TTC39B: variants seen among roughly 807,000 people sequenced by gnomAD.
TTC39B encodes the protein tetratricopeptide repeat domain 39B.
A neutral mutation model predicts 96.6 loss-of-function variants in TTC39B; 92 were observed. The ratio of observed to expected loss-of-function variants is 0.95; its 90% confidence interval spans 0.80 to 1.13. The LOEUF (loss-of-function observed/expected upper bound fraction) is 1.13. Ranked by LOEUF, TTC39B falls within the 50% of genes most tolerant of loss-of-function variation. TTC39B has a pLI of 0.00. For missense variants in TTC39B, 955 were observed against 809.3 expected (o/e 1.18, Z -2.18); for synonymous variants, 367 against 299.4 (o/e 1.23, Z -2.33).
intron 1 of TTC39B, among the ~76,000 whole-genome samples, chr9:15,287,955 A>T (rs867418869): frequency 0.02 from 3,038 of 149,056 alleles, 133 homozygotes; most frequent in African/African-American, 0.071. Context: ...CAAAAAAAAA[A>T]AAAAAAAAAA....
chr9:15,238,475 A>G (rs988768045), intron 2 of TTC39B, among the ~76,000 whole-genome samples: 1 of 152,208 alleles, frequency 6.6e-6, no homozygotes, highest in African/African-American at 2.4e-5. Context: ...AATCAGTAGC[A>G]TTTCTATATA....
chr9:15,247,649 G>T (rs1408249413), intron 2 of TTC39B, among the ~76,000 whole-genome samples: 1 of 152,050 alleles, frequency 6.6e-6, no homozygotes, highest in East Asian at 1.9e-4. Context: ...AGCATAATCT[G>T]CCCATAAGTG....
chr9:15,307,061 C>T (rs535556766), intron 1 of TTC39B, 23 bp downstream of exon 1: 1 of 1,607,506 alleles, frequency 6.2e-7, no homozygotes, highest in Non-Finnish European at 8.5e-7. Context: ...GGGGCCGGGC[C>T]CGCAATCCCC....
In TTC39B at chr9:15,173,769, C is replaced by T. The variant is rs185868256; in HGVS notation, c.1958+1250G>A. 2.6e-3 allele frequency among the ~76,000 whole-genome samples: 395 copies of T among 152,284 alleles called. 2 individuals are homozygous for T. Among genetic ancestry groups the T allele is most frequent in the Middle Eastern group, 0.01 (3 of 294 alleles). ...CTGCAATCTCTACATTCAGCCCTGA[C>T]CTTATCACTGAACTTCATGCTAAGT... is the stretch of plus-strand genomic sequence containing the variant. On this transcript the variant is annotated intron_variant, in intron 19 of 19. Transcript: ENST00000512701.
chr9:15,292,391 C>T (rs1299920609), intron 1 of TTC39B, among the ~76,000 whole-genome samples: 1 of 152,176 alleles, frequency 6.6e-6, no homozygotes, highest in Non-Finnish European at 1.5e-5. Context: ...AAACCTACTG[C>T]ACCAACAGTT....
At chr9:15,211,763 T>C (rs1385731683) in intron 4 of TTC39B, among the ~76,000 whole-genome samples, 3 of 152,248 alleles carry the variant, frequency 2.0e-5, no homozygotes, top group South Asian at 4.1e-4. Flanking sequence ...AAATGTATTT[T>C]TTGACAGAGA....
intron 8 of TTC39B, 150 bp from the exon 9 acceptor site, chr9:15,192,845 T>C: frequency 2.2e-5 from 13 of 590,312 alleles, no homozygotes; most frequent in Non-Finnish European, 3.6e-5. Context: ...CTGAGTTTAC[T>C]CTTAAGGATA....
At chr9:15,203,933 C>T in intron 6 of TTC39B, 43 bp from the exon 7 acceptor site, 1 of 1,533,172 alleles carries the variant, frequency 6.5e-7, no homozygotes, top group Non-Finnish European at 8.9e-7. Context: ...AATCACACAT[C>T]CAAAGTGATT....
intron 1 of TTC39B, among the ~76,000 whole-genome samples, chr9:15,305,737 C>CT (rs1563802357): frequency 3.3e-5 from 5 of 150,426 alleles, no homozygotes; most frequent in Middle Eastern, 3.2e-3. Flanking sequence ...CTGGGGTGAC[C>CT]ATTTGTCAAA....
intron 1 of TTC39B, among the ~76,000 whole-genome samples, chr9:15,268,864 C>T (rs1287896245): frequency 6.6e-6 from 1 of 152,182 alleles, no homozygotes; most frequent in Non-Finnish European, 1.5e-5. Flanking sequence ...TACACCATTC[C>T]AGTTTTCTAG....
chr9:15,166,608 ACATTT>A (rs1184038128), exon 20 of TTC39B: 1 of 152,190 alleles, frequency 6.6e-6, no homozygotes, highest in African/African-American at 2.4e-5. Flanking sequence ...CCTTTTCATT[ACATTT>A]CAAGTTCAAC....
At chr9:15,182,941 G>A (rs1020126063) in intron 16 of TTC39B, among the ~76,000 whole-genome samples, 1 of 152,134 alleles carries the variant, frequency 6.6e-6, no homozygotes, top group Admixed American at 6.6e-5. Flanking sequence ...CCATATGGCT[G>A]AATGACAGCT....
At chr9:15,273,016 T>C (rs1168086050) in intron 1 of TTC39B, among the ~76,000 whole-genome samples, 1 of 152,216 alleles carries the variant, frequency 6.6e-6, no homozygotes, top group East Asian at 1.9e-4. Flanking sequence ...TGAGGAAAGC[T>C]GCATCACCTA....
intron 3 of TTC39B, among the ~76,000 whole-genome samples, chr9:15,222,156 G>C (rs1435224130): frequency 6.6e-6 from 1 of 152,178 alleles, no homozygotes; most frequent in African/African-American, 2.4e-5. Flanking sequence ...CGTTCCAAGA[G>C]GGAATGGTAC....
chr9:15,272,384 G>C (rs1310646360), intron 1 of TTC39B, among the ~76,000 whole-genome samples: 2 of 152,156 alleles, frequency 1.3e-5, no homozygotes, highest in Admixed American at 6.5e-5. Context: ...GTGCCCTCCA[G>C]TTACAACACG....
intron 2 of TTC39B, among the ~76,000 whole-genome samples, chr9:15,256,556 A>T (rs1822758313): frequency 6.6e-6 from 1 of 152,262 alleles, no homozygotes; most frequent in South Asian, 2.1e-4. Flanking sequence ...TCAAAAAAAC[A>T]GATGATCAAA....
At chr9:15,298,360 C>T (rs148861510) in intron 1 of TTC39B, among the ~76,000 whole-genome samples, 9 of 152,260 alleles carry the variant, frequency 5.9e-5, no homozygotes, top group Non-Finnish European at 5.9e-5. Context: ...TGTATTAGTC[C>T]ATTTTCATAC....
chr9:15,287,743 G>A (rs1824025008), intron 1 of TTC39B, among the ~76,000 whole-genome samples: 2 of 152,034 alleles, frequency 1.3e-5, no homozygotes, highest in Non-Finnish European at 2.9e-5. Context: ...TCAGGAGATT[G>A]AGACCATCTT....
chr9:15,233,494 T>C (rs1284066829), intron 2 of TTC39B, among the ~76,000 whole-genome samples: 1 of 150,454 alleles, frequency 6.6e-6, no homozygotes. Context: ...TGCCTGCGAT[T>C]GCAGGCGCAC....
Sources: gnomAD v4.1 joint callset for allele counts (sites outside exome capture counted in the v4.1 genomes callset) on GRCh38, gnomAD v4.1.1 for gene constraint, MANE v1.5 for transcripts, NCBI Gene and HGNC (gene_info 2026-07-23, HGNC 2026-07-21) for gene names.